The following LARGE1 variants were observed in gnomAD, a reference collection of about 807,000 sequenced individuals.
LARGE1 encodes the protein LARGE xylosyl- and glucuronyltransferase 1.
A neutral mutation model predicts 87.6 loss-of-function variants in LARGE1; 43 were observed. That is an observed-to-expected ratio of 0.49 (90% confidence interval 0.38 to 0.63). The LOEUF (loss-of-function observed/expected upper bound fraction) is 0.63. Ranked by LOEUF, LARGE1 falls within the 30% of genes least tolerant of loss-of-function variation. The pLI is 0.00. For synonymous variants in LARGE1, 434 were observed against 394.6 expected, an observed-to-expected ratio of 1.10 and a Z score of -1.18; for missense variants, 802 against 1,000.2, an observed-to-expected ratio of 0.80 and a Z score of 2.67.
chr22:33,446,212 G>C (rs932088145), intron 6 of LARGE1, among the ~76,000 whole-genome samples: 6 of 152,322 alleles, frequency 3.9e-5, no homozygotes, highest in Admixed American at 3.9e-4. Flanking sequence ...TGGGAGGATG[G>C]TATGTCTGGA....
At chr22:33,657,578 T>C (rs2081002330) in intron 2 of LARGE1, among the ~76,000 whole-genome samples, 1 of 152,014 alleles carries the variant, frequency 6.6e-6, no homozygotes, top group Non-Finnish European at 1.5e-5. Context: ...AAATTTTATT[T>C]CCAAACACAA....
At chr22:33,095,202 A>G in the LARGE1 span, among the ~76,000 whole-genome samples, 1 of 152,204 alleles carries the variant, frequency 6.6e-6, no homozygotes, top group Non-Finnish European at 1.5e-5. Context: ...ATTCTCTCAC[A>G]GTTCTGGAGG....
At chr22:33,333,516 C>A (rs1456114649) in intron 10 of LARGE1, among the ~76,000 whole-genome samples, 5 of 152,236 alleles carry the variant, frequency 3.3e-5, no homozygotes, top group African/African-American at 1.2e-4. Context: ...ATGCCCCCAA[C>A]ATGCCTGTGC....
intron 4 of LARGE1, among the ~76,000 whole-genome samples, 173 bp from the exon 5 acceptor site, chr22:33,604,731 GA>G (rs1433947229): frequency 6.6e-6 from 1 of 152,182 alleles, no homozygotes; most frequent in African/African-American, 2.4e-5. Context: ...TGCAGGAGCT[GA>G]AAAGGAGAGA....
the LARGE1 span, among the ~76,000 whole-genome samples, chr22:33,139,908 G>C: frequency 6.6e-6 from 1 of 152,232 alleles, no homozygotes; most frequent in Non-Finnish European, 1.5e-5. Context: ...CATTTCTTCA[G>C]AGCTAGTGGG....
At chr22:33,716,465 T>C (rs2082910586) in intron 2 of LARGE1, among the ~76,000 whole-genome samples, 2 of 152,186 alleles carry the variant, frequency 1.3e-5, no homozygotes, top group Non-Finnish European at 2.9e-5. Flanking sequence ...AACAGTGGTG[T>C]GATCACAGCT....
Position 33,505,270 on chromosome 22 carries a change from T to C in LARGE1, c.787+59578A>G, listed in dbSNP as rs117598199. Reference sequence around the variant, plus strand: ...GGCCTGCTAGAGCAGACATCCATCCTGTAGCCTCTGCAGAGGCTGGGTGAA... The same window carrying C: ...GGCCTGCTAGAGCAGACATCCATCCCGTAGCCTCTGCAGAGGCTGGGTGAA... On this transcript the variant is annotated intron_variant, in intron 6 of 14. Transcript: ENST00000397394. 5.7e-3 allele frequency among the ~76,000 whole-genome samples: 870 copies of C among 152,352 alleles called. 18 individuals are homozygous for C. Among genetic ancestry groups the C allele is most frequent in the Admixed American group, 0.029 (450 of 15,308 alleles).
chr22:33,277,049 G>A lies in LARGE1; in HGVS notation c.2073+11C>T, dbSNP rs774384587. The stretch of plus-strand genomic sequence containing the variant: ...GTCGACCATACCAGGTGGATGCTCC[G>A]TTCTTCTCACCTGCACATCCAGCTC... On this transcript the variant is annotated intron_variant, in intron 14 of 14. Transcript: ENST00000397394. 117 of 1,613,682 alleles carry A rather than the reference G, an allele frequency of 7.3e-5. No individual in the cohort carries two copies. The highest frequency in any genetic ancestry group is 4.0e-4 in the Admixed American group (24 of 59,996).
intron 7 of LARGE1, among the ~76,000 whole-genome samples, chr22:33,428,929 C>CAAA (rs113271121): frequency 3.3e-4 from 35 of 105,516 alleles, no homozygotes; most frequent in African/African-American, 4.7e-4. Context: ...GACTCTGTCT[C>CAAA]AAAAAAAAAG....
In LARGE1 at chr22:33,274,477, G is replaced by A. The variant is rs771283039; in HGVS notation, c.2221C>T (p.Arg741Cys). 4.3e-6 allele frequency: 7 copies of A among 1,614,188 alleles called. No individual in the cohort carries two copies. Among genetic ancestry groups the A allele is most frequent in the South Asian group, 2.2e-5 (2 of 91,090 alleles). ...KEEFQQDMSR[R>C]YGFAALKYLT... ...TATTTCAGGGCAGCAAAGCCGTAGC[G>A]GCGGGACATGTCCTGCTGAAACTCT... The change falls in exon 15 of 15, where the codon CGC becomes TGC. Residue 741 changes from arginine (R) to cysteine (C), a missense_variant. By Grantham distance (180) the Arg-to-Cys change is radical. Transcript: ENST00000397394.
chr22:33,812,451 C>A (rs1393076409), intron 1 of LARGE1, among the ~76,000 whole-genome samples: 1 of 152,246 alleles, frequency 6.6e-6, no homozygotes, highest in Non-Finnish European at 1.5e-5. Flanking sequence ...TTGCATACTG[C>A]GGTGCCTTTT....
At chr22:33,812,988 T>C (rs1405609614) in intron 1 of LARGE1, among the ~76,000 whole-genome samples, 1 of 152,172 alleles carries the variant, frequency 6.6e-6, no homozygotes, top group Non-Finnish European at 1.5e-5. Flanking sequence ...GGTACCAAAT[T>C]GGCATATGAA....
At chr22:33,679,008 T>C (rs2081664236) in intron 2 of LARGE1, among the ~76,000 whole-genome samples, 1 of 152,212 alleles carries the variant, frequency 6.6e-6, no homozygotes, top group Non-Finnish European at 1.5e-5. Flanking sequence ...CCGGATCCCT[T>C]CAATTCAGCA....
the LARGE1 span, among the ~76,000 whole-genome samples, chr22:33,133,916 T>C: frequency 6.6e-6 from 1 of 152,200 alleles, no homozygotes; most frequent in Non-Finnish European, 1.5e-5. Context: ...CTTTAAGCCT[T>C]CAATATATTA....
intron 1 of LARGE1, among the ~76,000 whole-genome samples, chr22:33,810,678 C>T (rs189889875): frequency 2.8e-4 from 42 of 152,148 alleles, no homozygotes; most frequent in Non-Finnish European, 5.1e-4. Flanking sequence ...TGCAGCAGTG[C>T]CATGAGTAGC....
intron 9 of LARGE1, among the ~76,000 whole-genome samples, chr22:33,339,379 C>G (rs1039070586): frequency 2.0e-5 from 3 of 151,346 alleles, no homozygotes; most frequent in Non-Finnish European, 4.4e-5. Flanking sequence ...GCACAAGGGG[C>G]GGAAAAATGT....
intron 2 of LARGE1, among the ~76,000 whole-genome samples, chr22:33,687,031 G>A (rs1177541406): frequency 3.3e-5 from 5 of 152,048 alleles, no homozygotes; most frequent in Non-Finnish European, 5.9e-5. Context: ...CCTCGTTGCT[G>A]TCCCTTGAAC....
chr22:33,684,355 T>C (rs1253949965), intron 2 of LARGE1, among the ~76,000 whole-genome samples: 1 of 151,958 alleles, frequency 6.6e-6, no homozygotes, highest in Non-Finnish European at 1.5e-5. Flanking sequence ...GAGAAGGGCC[T>C]CAGCCTCGGA....
intron 2 of LARGE1, among the ~76,000 whole-genome samples, chr22:33,691,622 A>C (rs2082102936): frequency 6.6e-6 from 1 of 152,176 alleles, no homozygotes; most frequent in East Asian, 1.9e-4. Context: ...CAGACATAAA[A>C]ATCTGCTAAG....
Sources: allele counts gnomAD v4.1 joint callset (sites outside exome capture counted in the v4.1 genomes callset), GRCh38; gene constraint gnomAD v4.1.1; transcripts MANE v1.5; gene names NCBI Gene and HGNC (gene_info 2026-07-23, HGNC 2026-07-21).